RBM25: variants seen among roughly 807,000 people sequenced by gnomAD.
RBM25 encodes the protein RNA-binding protein 25.
RBM25 carries 19 observed loss-of-function variants against 120.7 expected under a neutral mutation model. The observed-to-expected ratio is 0.16, with a 90% confidence interval of 0.11 to 0.23. RBM25 has a LOEUF of 0.23. RBM25 is among the 10% of genes least tolerant of loss of function. The pLI, the probability that RBM25 is intolerant of heterozygous loss-of-function variation, is 1.00. For synonymous variants in RBM25, 390 were observed against 326.7 expected (o/e 1.19, Z -2.09); for missense variants, 605 against 1,041.5 (o/e 0.58, Z 5.77).
intron 6 of RBM25, among the ~76,000 whole-genome samples, chr14:73,090,527 C>T (rs1895790358): frequency 6.6e-6 from 1 of 152,232 alleles, no homozygotes; most frequent in Non-Finnish European, 1.5e-5. Context: ...TCTATCCATA[C>T]TTATAATTAA....
At chr14:73,095,972 T>C (rs1435164475) in intron 6 of RBM25, among the ~76,000 whole-genome samples, 1 of 152,126 alleles carries the variant, frequency 6.6e-6, no homozygotes, top group Non-Finnish European at 1.5e-5. Context: ...CTAGACTTCT[T>C]AGAAAATAAT....
intron 6 of RBM25, 99 bp downstream of exon 6, chr14:73,088,260 C>A (rs1895735322): frequency 7.0e-7 from 1 of 1,436,974 alleles, no homozygotes; most frequent in Non-Finnish European, 9.8e-7. Context: ...TTCAAAAGAT[C>A]ATCATGTATG....
chr14:73,068,514 AT>A, intron 1 of RBM25: 1 of 891,766 alleles, frequency 1.1e-6, no homozygotes, highest in Non-Finnish European at 1.8e-6. Context: ...GTATTTTCAA[AT>A]TCCTTTAGTG....
chr14:73,112,840 G>A (rs556861247), intron 17 of RBM25, among the ~76,000 whole-genome samples: 1 of 151,640 alleles, frequency 6.6e-6, no homozygotes, highest in East Asian at 1.9e-4. Flanking sequence ...GTTTTGCTTT[G>A]TCCTACAGGC....
intron 6 of RBM25, 98 bp from the exon 7 acceptor site, chr14:73,096,817 T>C: frequency 9.5e-7 from 1 of 1,057,730 alleles, no homozygotes; most frequent in Non-Finnish European, 1.4e-6. Context: ...ACAGAGATGT[T>C]TTTGAGAAAA....
chr14:73,099,049 G>A (rs911687092), intron 7 of RBM25, among the ~76,000 whole-genome samples: 2 of 152,208 alleles, frequency 1.3e-5, no homozygotes, highest in African/African-American at 2.4e-5. Context: ...TTTGTTTGAT[G>A]TGGATTGGGA....
chr14:73,078,369 G>A (rs2140432802), intron 4 of RBM25, among the ~76,000 whole-genome samples: 1 of 152,080 alleles, frequency 6.6e-6, no homozygotes, highest in African/African-American at 2.4e-5. Context: ...ATGCACGCCT[G>A]TAGTCCTAGC....
At chr14:73,117,205 C>CTTTTATTTTTTTTTTTTTT (rs1896448964) in intron 18 of RBM25, among the ~76,000 whole-genome samples, 3 of 36,562 alleles carry the variant, frequency 8.2e-5, no homozygotes, top group African/African-American at 3.1e-4. Context: ...TTTCTTTCTT[C>CTTTTATTTTTTTTTTTTTT]TTTTCTTTTT....
chr14:73,101,187 A>G (rs905471491), intron 9 of RBM25: 2 of 152,214 alleles, frequency 1.3e-5, no homozygotes, highest in Non-Finnish European at 2.9e-5. Context: ...AAACCAAAAC[A>G]GTTGTTTTTT....
rs1374288159 is a variant in RBM25 at position 73,099,368 on chromosome 14, A to G, written c.730-12A>G. ...CTTTTTTAAAAAAGATTCTTGGTGGATTTTTTCACAGATTTTCCGCAGATT... is the reference window on the plus strand; with the variant it reads ...CTTTTTTAAAAAAGATTCTTGGTGGGTTTTTTCACAGATTTTCCGCAGATT... On this transcript the variant is annotated splice_polypyrimidine_tract_variant and intron_variant, in intron 7 of 18. Transcript: ENST00000261973. 2 of 1,595,088 alleles carry G rather than the reference A, an allele frequency of 1.3e-6. No individual in the cohort carries two copies. Among genetic ancestry groups the G allele is most frequent in the Admixed American group, 3.8e-5 (2 of 52,700 alleles).
chr14:73,112,363 A>G, intron 17 of RBM25, 113 bp downstream of exon 17: 1 of 1,047,756 alleles, frequency 9.5e-7, no homozygotes, highest in Non-Finnish European at 1.3e-6. Flanking sequence ...GTTTAGGTTC[A>G]GTTAAGTGAT....
intron 7 of RBM25, among the ~76,000 whole-genome samples, chr14:73,098,092 C>T (rs867633078): frequency 6.6e-6 from 1 of 152,012 alleles, no homozygotes; most frequent in Non-Finnish European, 1.5e-5. Flanking sequence ...CGAGACCCTT[C>T]TATAAAGTAA....
At chr14:73,119,367 G>A (rs1455606534) in intron 18 of RBM25, among the ~76,000 whole-genome samples, 1 of 152,052 alleles carries the variant, frequency 6.6e-6, no homozygotes, top group African/African-American at 2.4e-5. Flanking sequence ...CTGGGTTCAC[G>A]TCATTCTCCT....
intron 2 of RBM25, among the ~76,000 whole-genome samples, chr14:73,073,991 T>C (rs1037171620): frequency 5.3e-4 from 81 of 152,334 alleles, no homozygotes; most frequent in Non-Finnish European, 2.9e-4. Context: ...TTGGACAAAG[T>C]TTTTTCTTAA....
chr14:73,096,790 C>A, intron 6 of RBM25, 125 bp from the exon 7 acceptor site: 2 of 731,182 alleles, frequency 2.7e-6, no homozygotes, highest in East Asian at 3.0e-5. Context: ...AAAACCAATT[C>A]TGTGTTTAAT....
At chr14:73,059,913 A>G (rs1281045503) in intron 1 of RBM25, among the ~76,000 whole-genome samples, 1 of 152,188 alleles carries the variant, frequency 6.6e-6, no homozygotes, top group Non-Finnish European at 1.5e-5. Flanking sequence ...ACGTATGTAA[A>G]ATCCTTCGTG....
Position 73,107,919 on chromosome 14 carries a change from T to C in RBM25, c.1541+20T>C, listed in dbSNP as rs766164399. 20 of 1,525,242 alleles carry C rather than the reference T, an allele frequency of 1.3e-5. No homozygotes were observed. In the South Asian group the frequency reaches 2.1e-4, roughly 16 times the overall value. 94.5% of individuals were successfully genotyped at this position (1,525,242 alleles called of 1,614,324 possible). A position where few individuals can be genotyped will look rare whatever the true frequency, so the allele number is the denominator to read the frequency against. On this transcript the variant is annotated intron_variant, in intron 13 of 18. Transcript: ENST00000261973. ...TTACAGGTAAAGAAGGCTTGTTCTG[T>C]GGATTCATACTTGGTTTTTTATTAG...
intron 17 of RBM25, among the ~76,000 whole-genome samples, chr14:73,112,689 A>G (rs754892758): frequency 7.2e-5 from 11 of 152,192 alleles, no homozygotes; most frequent in Non-Finnish European, 1.3e-4. Flanking sequence ...GATAGGATCA[A>G]AATAGTTCCT....
chr14:73,092,125 A>AGT (rs1895830806), intron 6 of RBM25, among the ~76,000 whole-genome samples: 1 of 152,162 alleles, frequency 6.6e-6, no homozygotes. Context: ...GATGTAAAAA[A>AGT]AAATTTTCAA....
Sources: gnomAD v4.1 joint callset for allele counts (sites outside exome capture counted in the v4.1 genomes callset) on GRCh38, gnomAD v4.1.1 for gene constraint, MANE v1.5 for transcripts, NCBI Gene and HGNC (gene_info 2026-07-23, HGNC 2026-07-21) for gene names.